The following SNX7 variants were observed in gnomAD, a reference collection of about 807,000 sequenced individuals.
SNX7 encodes sorting nexin-7.
Under a neutral mutation model 48.4 loss-of-function variants are expected in SNX7, and 35 were observed. The ratio of observed to expected loss-of-function variants is 0.72; its 90% CI spans 0.55 to 0.96. The LOEUF is 0.96. Ranked by LOEUF, SNX7 falls within the 40% of genes least tolerant of loss-of-function variation. The pLI, the probability that SNX7 is intolerant of heterozygous loss-of-function variation, is 0.00. For synonymous variants in SNX7, 190 were observed against 190.2 expected (o/e 1.00, Z 0.01); for missense variants, 553 against 548.9 (o/e 1.01, Z -0.07).
intron 1 of SNX7, among the ~76,000 whole-genome samples, chr1:98,663,694 T>G (rs1345595764): frequency 6.6e-6 from 1 of 152,194 alleles, no homozygotes; most frequent in Non-Finnish European, 1.5e-5. Context: ...GCTCCAATCA[T>G]TTATTGAGAT....
chr1:98,714,513 T>C (rs1221799763), intron 7 of SNX7, among the ~76,000 whole-genome samples: 3 of 152,020 alleles, frequency 2.0e-5, no homozygotes, highest in Non-Finnish European at 4.4e-5. Flanking sequence ...CTGTGATTAG[T>C]GCTATAAAGA....
chr1:98,729,821 A>G (rs1653401032), intron 7 of SNX7, among the ~76,000 whole-genome samples: 1 of 151,958 alleles, frequency 6.6e-6, no homozygotes, highest in African/African-American at 2.4e-5. Flanking sequence ...GCTGAATTCT[A>G]CAAGGGGAAC....
chr1:98,717,481 A>C (rs1306462093), intron 7 of SNX7, among the ~76,000 whole-genome samples: 1 of 152,192 alleles, frequency 6.6e-6, no homozygotes, highest in African/African-American at 2.4e-5. Flanking sequence ...ATACTTGTAC[A>C]TAGCCTACTA....
chr1:98,707,901 C>G (rs1004626248), intron 7 of SNX7, among the ~76,000 whole-genome samples: 1 of 152,156 alleles, frequency 6.6e-6, no homozygotes, highest in Non-Finnish European at 1.5e-5. Context: ...TGGTGTTTTA[C>G]TCTCATCCTT....
At chr1:98,697,806 A>C (rs1304194896) in intron 5 of SNX7, among the ~76,000 whole-genome samples, 1 of 152,158 alleles carries the variant, frequency 6.6e-6, no homozygotes, top group African/African-American at 2.4e-5. Context: ...GGGCCAAAGC[A>C]TCTATGAATC....
chr1:98,715,707 TACA>T (rs1652553725), intron 7 of SNX7, among the ~76,000 whole-genome samples: 1 of 152,196 alleles, frequency 6.6e-6, no homozygotes, highest in Non-Finnish European at 1.5e-5. Context: ...TTGCTTCTGA[TACA>T]ACAAAACGTT....
At chr1:98,687,574 A>G (rs1189770639) in intron 2 of SNX7, among the ~76,000 whole-genome samples, 2 of 152,288 alleles carry the variant, frequency 1.3e-5, no homozygotes, top group East Asian at 1.9e-4. Flanking sequence ...TATTAAGAAT[A>G]TATCAGTGAT....
chr1:98,680,235 C>G (rs1423810443), intron 1 of SNX7, among the ~76,000 whole-genome samples: 1 of 152,198 alleles, frequency 6.6e-6, no homozygotes, highest in East Asian at 1.9e-4. Flanking sequence ...TGGCCCCTTT[C>G]AGCCATAGCT....
intron 7 of SNX7, among the ~76,000 whole-genome samples, chr1:98,705,503 T>C (rs2100981885): frequency 6.6e-6 from 1 of 152,336 alleles, no homozygotes; most frequent in Non-Finnish European, 1.5e-5. Flanking sequence ...TGGATCATAG[T>C]AAGCACTCAG....
At chr1:98,668,629 G>A (rs1285448253) in intron 1 of SNX7, among the ~76,000 whole-genome samples, 1 of 152,168 alleles carries the variant, frequency 6.6e-6, no homozygotes, top group Non-Finnish European at 1.5e-5. Context: ...GATATGTTCT[G>A]TTAACCATGG....
intron 2 of SNX7, among the ~76,000 whole-genome samples, chr1:98,686,008 C>A (rs1650774880): frequency 6.6e-6 from 1 of 152,152 alleles, no homozygotes; most frequent in African/African-American, 2.4e-5. Flanking sequence ...CAGTACCTTG[C>A]TTTCCACTCA....
intron 6 of SNX7, among the ~76,000 whole-genome samples, chr1:98,699,256 C>T (rs1651631522): frequency 6.6e-6 from 1 of 152,102 alleles, no homozygotes; most frequent in Non-Finnish European, 1.5e-5. Flanking sequence ...AAGAACTGCT[C>T]TCCTGCTTCT....
intron 7 of SNX7, among the ~76,000 whole-genome samples, chr1:98,728,165 C>T (rs1461212983): frequency 6.6e-6 from 1 of 152,086 alleles, no homozygotes; most frequent in Admixed American, 6.5e-5. Context: ...CAAAGGAAGC[C>T]CATCAGAATA....
chr1:98,717,011 A>T (rs1490206141), intron 7 of SNX7, among the ~76,000 whole-genome samples: 3 of 104,614 alleles, frequency 2.9e-5, no homozygotes, highest in East Asian at 4.7e-4. Context: ...TATCTTCTTT[A>T]AAAAAAAAAA....
chr1:98,690,957 A>G, intron 2 of SNX7, 118 bp from the exon 3 acceptor site: 1 of 530,562 alleles, frequency 1.9e-6, no homozygotes. Context: ...ACACTGAATA[A>G]TTAGGATGTG....
At chr1:98,662,050 G>T in intron 1 of SNX7, 139 bp downstream of exon 1, 1 of 965,124 alleles carries the variant, frequency 1.0e-6, no homozygotes, top group Non-Finnish European at 1.3e-6. Context: ...GGTCCCCCGG[G>T]CTGCTGGACC....
At chr1:98,673,923 A>G (rs1650017636) in intron 1 of SNX7, among the ~76,000 whole-genome samples, 3 of 152,200 alleles carry the variant, frequency 2.0e-5, no homozygotes, top group African/African-American at 7.2e-5. Context: ...TAAGATTAAT[A>G]TTTTGTTTTT....
intron 8 of SNX7, among the ~76,000 whole-genome samples, chr1:98,748,432 T>G (rs1249249625): frequency 1.3e-5 from 2 of 152,102 alleles, no homozygotes; most frequent in Non-Finnish European, 2.9e-5. Context: ...AGTCTGTGCT[T>G]CTTCCCATCC....
chr1:98,671,114 G>C (rs2100911434), intron 1 of SNX7, among the ~76,000 whole-genome samples: 1 of 152,266 alleles, frequency 6.6e-6, no homozygotes, highest in South Asian at 2.1e-4. Flanking sequence ...AGATTCAATA[G>C]CTATGTGGTT....
Sources: allele counts gnomAD v4.1 joint callset (sites outside exome capture counted in the v4.1 genomes callset), GRCh38; gene constraint gnomAD v4.1.1; transcripts MANE v1.5; gene names NCBI Gene and HGNC (gene_info 2026-07-23, HGNC 2026-07-21).